The following EHMT1 variants were observed in gnomAD, a reference collection of about 807,000 sequenced individuals.
EHMT1 encodes euchromatic histone lysine methyltransferase 1.
In EHMT1, 15 loss-of-function variants were observed where a neutral mutation model predicts 147.2. The ratio of observed to expected loss-of-function variants is 0.10; its 90% confidence interval spans 0.07 to 0.16. The LOEUF (loss-of-function observed/expected upper bound fraction) is 0.16, where lower values mean the gene tolerates loss of function less well. EHMT1 is among the 10% of genes least tolerant of loss of function. The pLI, the probability that EHMT1 is intolerant of heterozygous loss-of-function variation, is 1.00. For missense variants in EHMT1, 1,587 were observed against 1,772.4 expected (o/e 0.90, Z 1.88); for synonymous variants, 795 against 709.6 (o/e 1.12, Z -1.91).
At chr9:137,646,463 G>C in intron 1 of EHMT1, 1 of 980,816 alleles carries the variant, frequency 1.0e-6, no homozygotes, top group Non-Finnish European at 1.2e-6. Flanking sequence ...TGGGAGCCCC[G>C]AGGAGTGCTC....
chr9:137,707,118 C>A (rs1221123908), intron 1 of EHMT1, among the ~76,000 whole-genome samples: 1 of 152,214 alleles, frequency 6.6e-6, no homozygotes, highest in East Asian at 1.9e-4. Flanking sequence ...AGCCAGCGCG[C>A]CTGGCCTATC....
At chr9:137,645,761 A>G (rs1436381309) in intron 1 of EHMT1, among the ~76,000 whole-genome samples, 2 of 152,098 alleles carry the variant, frequency 1.3e-5, no homozygotes, top group Non-Finnish European at 2.9e-5. Flanking sequence ...ACGTGGCTGC[A>G]GCCCCACGTG....
At chr9:137,779,936 A>G (rs1208473832) in intron 14 of EHMT1, among the ~76,000 whole-genome samples, 2 of 152,230 alleles carry the variant, frequency 1.3e-5, no homozygotes, top group Non-Finnish European at 2.9e-5. Context: ...ACTATTCTCT[A>G]CGAAGTTCTA....
In EHMT1 at chr9:137,625,863, G is replaced by GT. The variant is rs1006337346; in HGVS notation, c.21+6823dup. Among the ~76,000 whole-genome samples, 56 of 148,016 alleles carry GT rather than the reference G, an allele frequency of 3.8e-4. No homozygotes were observed. In the South Asian group the frequency reaches 6.0e-3, roughly 16 times the overall value. On this transcript the variant is annotated intron_variant, in intron 1 of 26. Coordinates refer to ENST00000460843, the MANE Select transcript of EHMT1 (RefSeq NM_024757.5). ...ATATTTTTTGTTTTGTTTTGTTTTT[G>GT]TTTTTTTTTGAGACGAAGTTTTGCT...
intron 1 of EHMT1, among the ~76,000 whole-genome samples, chr9:137,662,853 G>T (rs1003137072): frequency 1.3e-5 from 2 of 151,448 alleles, no homozygotes; most frequent in Non-Finnish European, 2.9e-5. Flanking sequence ...GAGTGCAATG[G>T]TGCGATCTCT....
intron 10 of EHMT1, among the ~76,000 whole-genome samples, chr9:137,771,250 A>G: frequency 7.7e-6 from 1 of 129,532 alleles, no homozygotes. Flanking sequence ...CACAGGCTGG[A>G]GTGCAGTGGC....
intron 1 of EHMT1, among the ~76,000 whole-genome samples, chr9:137,679,629 G>C (rs1941744657): frequency 6.6e-6 from 1 of 152,052 alleles, no homozygotes; most frequent in African/African-American, 2.4e-5. Context: ...TAATTCATTT[G>C]CCCGTTTTTA....
intron 1 of EHMT1, 129 bp downstream of exon 1, chr9:137,619,178 C>CGCCGCCGCCGCCGCT (rs1276902399): frequency 6.7e-6 from 1 of 149,848 alleles, no homozygotes; most frequent in Non-Finnish European, 1.4e-5. Flanking sequence ...GTCCCCCCGC[C>CGCCGCCGCCGCCGCT]GCCGCCGCCG....
At chr9:137,660,826 T>G (rs1162728693) in intron 1 of EHMT1, among the ~76,000 whole-genome samples, 1 of 152,234 alleles carries the variant, frequency 6.6e-6, no homozygotes, top group Non-Finnish European at 1.5e-5. Flanking sequence ...AAGTGATGGC[T>G]TCTCTTTAAT....
At chr9:137,809,466 G>A (rs1305028297) in intron 18 of EHMT1, among the ~76,000 whole-genome samples, 2 of 152,198 alleles carry the variant, frequency 1.3e-5, no homozygotes, top group Non-Finnish European at 2.9e-5. Flanking sequence ...CAGAGCCTGC[G>A]GGGTGGAGAC....
intron 25 of EHMT1, among the ~76,000 whole-genome samples, chr9:137,820,289 T>C (rs955748415): frequency 2.6e-5 from 4 of 152,328 alleles, no homozygotes; most frequent in African/African-American, 7.2e-5. Context: ...GCAACCTCCA[T>C]GTGTGCATGC....
chr9:137,814,559 G>A (rs753701648), intron 22 of EHMT1, 51 bp downstream of exon 22: 22 of 1,590,008 alleles, frequency 1.4e-5, no homozygotes, highest in Middle Eastern at 1.7e-4. Flanking sequence ...CCGCTGGTCC[G>A]GGTCTGCAAA....
chr9:137,834,678 G>T, intron 26 of EHMT1, 95 bp from the exon 27 acceptor site: 1 of 1,601,760 alleles, frequency 6.2e-7, no homozygotes, highest in Admixed American at 1.7e-5. Flanking sequence ...ACGGCAGATC[G>T]GGGTGAGGAA....
chr9:137,721,500 A>ACACGCCTCTCACCCTCTCC (rs1564638656), intron 3 of EHMT1, among the ~76,000 whole-genome samples: 5 of 14,002 alleles, frequency 3.6e-4, no homozygotes, highest in East Asian at 4.4e-3. Context: ...TCACCTTCTC[A>ACACGCCTCTCACCCTCTCC]CACGCCTCTC....
intron 1 of EHMT1, among the ~76,000 whole-genome samples, chr9:137,663,632 G>T (rs1939319369): frequency 6.6e-6 from 1 of 152,180 alleles, no homozygotes; most frequent in African/African-American, 2.4e-5. Flanking sequence ...AAAGATGTTT[G>T]TGCACATACC....
intron 15 of EHMT1, among the ~76,000 whole-genome samples, chr9:137,789,623 C>A (rs1283077779): frequency 6.6e-6 from 1 of 152,258 alleles, no homozygotes; most frequent in African/African-American, 2.4e-5. Context: ...CTTCTGACCT[C>A]TGACCCTTGG....
At position 137,716,695 on chromosome 9, in the gene EHMT1, G is replaced by T; in HGVS notation, c.155G>T (p.Gly52Val). The T allele has an allele frequency of 6.2e-7, 1 of 1,607,514 alleles. No homozygotes were observed. Among genetic ancestry groups the T allele is most frequent in the Non-Finnish European group, 8.5e-7 (1 of 1,175,428 alleles). The change falls in exon 3 of 27, where the codon GGT becomes GTT. Residue 52 changes from glycine to valine, a missense_variant. Physicochemically the swap from Gly to Val is moderately radical, Grantham distance 109. Transcript: ENST00000460843. ...QAGEAHMAAD[G>V]ETNGSCENSD... ...GGAGAGGCCCACATGGCTGCGGACG[G>T]TGAGACCAATGGGTCTTGTGAAAAC...
At chr9:137,723,968 G>A (rs1946342219) in intron 3 of EHMT1, among the ~76,000 whole-genome samples, 1 of 152,370 alleles carries the variant, frequency 6.6e-6, no homozygotes, top group East Asian at 1.9e-4. Context: ...TTAGGGCAAA[G>A]AAAGTGGAAG....
At position 137,786,526 on chromosome 9, in the gene EHMT1, C is replaced by T. The variant is rs559408966; in HGVS notation, c.2382+4129C>T. 6 of 141,358 alleles carry T rather than the reference C, an allele frequency of 4.2e-5. No homozygotes were observed. The highest frequency in any genetic ancestry group is 7.1e-5 in the Non-Finnish European group (5 of 69,976). 8.8% of individuals were successfully genotyped at this position (141,358 alleles called of 1,614,324 possible). A position where few individuals can be genotyped will look rare whatever the true frequency, so the allele number is the denominator to read the frequency against. On this transcript the variant is annotated intron_variant, in intron 15 of 26. Coordinates refer to ENST00000460843, the MANE Select transcript of EHMT1 (RefSeq NM_024757.5). The surrounding 1 kb of genome is among the most constrained non-coding windows in gnomAD (Gnocchi z 4.3). The stretch of plus-strand genomic sequence containing the variant: ...TGAGGGCCTGTGGTGTCATCTCCCC[C>T]GGGCTCTGGTCTTGGTCGTGTGGAG...
Sources: allele counts gnomAD v4.1 joint callset (sites outside exome capture counted in the v4.1 genomes callset), GRCh38; gene constraint gnomAD v4.1.1; non-coding constraint Gnocchi (gnomAD v3.1); transcripts MANE v1.5; gene names NCBI Gene and HGNC (gene_info 2026-07-23, HGNC 2026-07-21).